The following HECW2 variants were observed in gnomAD, a reference collection of about 807,000 sequenced individuals.
The protein encoded by HECW2 is HECT, C2 and WW domain containing E3 ubiquitin protein ligase 2.
Under a neutral mutation model 175.2 loss-of-function variants are expected in HECW2, and 61 were observed. The ratio of observed to expected loss-of-function variants is 0.35; its 90% confidence interval spans 0.28 to 0.43. The LOEUF (loss-of-function observed/expected upper bound fraction) is 0.43. Among genes scored for constraint, HECW2 ranks in the 20% least tolerant of loss-of-function variants. The pLI is 1.00. For missense variants in HECW2, 1,524 were observed against 2,000.5 expected (o/e 0.76, Z 4.54); for synonymous variants, 671 against 731.0 (o/e 0.92, Z 1.32).
intron 1 of HECW2, among the ~76,000 whole-genome samples, chr2:196,513,372 G>A (rs957067659): frequency 2.0e-5 from 3 of 152,122 alleles, no homozygotes; most frequent in Non-Finnish European, 2.9e-5. Flanking sequence ...AGCTGGGCAC[G>A]TTGGCACATG....
chr2:196,476,111 G>A (rs1686601680), intron 1 of HECW2, among the ~76,000 whole-genome samples: 1 of 151,834 alleles, frequency 6.6e-6, no homozygotes, highest in African/African-American at 2.4e-5. Flanking sequence ...TTAGCAAGCT[G>A]TATAATCTCT....
intron 17 of HECW2, among the ~76,000 whole-genome samples, chr2:196,266,104 G>A (rs1243763608): frequency 2.0e-5 from 3 of 151,472 alleles, no homozygotes; most frequent in Non-Finnish European, 4.4e-5. Flanking sequence ...GCTGAAGCAG[G>A]AGGATCTCTT....
intron 21 of HECW2, 23 bp from the exon 22 acceptor site, chr2:196,228,277 G>T (rs1337405460): frequency 3.2e-6 from 5 of 1,582,004 alleles, no homozygotes; most frequent in Non-Finnish European, 4.3e-6. Flanking sequence ...TCCACAAAAA[G>T]AATAATCTGT....
intron 1 of HECW2, among the ~76,000 whole-genome samples, chr2:196,543,231 A>G (rs184547935): frequency 1.3e-5 from 2 of 151,412 alleles, no homozygotes; most frequent in African/African-American, 4.8e-5. Context: ...CAAATCTACA[A>G]GTGAAGAGTG....
At chr2:196,562,387 T>C (rs1690032725) in intron 1 of HECW2, among the ~76,000 whole-genome samples, 1 of 152,206 alleles carries the variant, frequency 6.6e-6, no homozygotes, top group Non-Finnish European at 1.5e-5. Context: ...CACATTCTTT[T>C]GACAATATTT....
intron 5 of HECW2, among the ~76,000 whole-genome samples, chr2:196,326,967 G>A (rs1385787139): frequency 2.6e-5 from 4 of 152,104 alleles, no homozygotes; most frequent in East Asian, 3.8e-4. Context: ...TCTTCAGCAG[G>A]GAACAGCTTT....
chr2:196,384,718 T>C (rs1694301230), intron 2 of HECW2, among the ~76,000 whole-genome samples: 1 of 152,204 alleles, frequency 6.6e-6, no homozygotes, highest in Non-Finnish European at 1.5e-5. Context: ...ATTCATTCAT[T>C]ATGACATCCT....
At chr2:196,593,075 G>A (rs555059498) in intron 1 of HECW2, among the ~76,000 whole-genome samples, 33 of 151,238 alleles carry the variant, frequency 2.2e-4, no homozygotes, top group Non-Finnish European at 3.8e-4. Flanking sequence ...GGCTCTTCCC[G>A]CCGCCCTCCG....
intron 1 of HECW2, among the ~76,000 whole-genome samples, chr2:196,512,191 G>C (rs1310748883): frequency 6.6e-6 from 1 of 152,182 alleles, no homozygotes; most frequent in Non-Finnish European, 1.5e-5. Context: ...GAGAATGCAG[G>C]ACCCACGGGG....
intron 1 of HECW2, among the ~76,000 whole-genome samples, chr2:196,515,888 T>C (rs1001043348): frequency 2.7e-5 from 4 of 148,760 alleles, no homozygotes; most frequent in Admixed American, 2.0e-4. Flanking sequence ...CTTTGGGAGG[T>C]GGAGGTAGGC....
intron 1 of HECW2, among the ~76,000 whole-genome samples, chr2:196,434,654 A>C (rs1695817863): frequency 6.6e-6 from 1 of 152,182 alleles, no homozygotes; most frequent in Admixed American, 6.5e-5. Context: ...CTTCTGTACC[A>C]TCCCTTTCAG....
rs767506318 is a variant in HECW2 at position 196,325,047 on chromosome 2, G to C, written c.674C>G (p.Ala225Gly). Residue 225 changes from alanine (A) to glycine (G), a missense_variant, in exon 6 of 29, where the codon GCC becomes GGC. By Grantham distance (60) the Ala-to-Gly change is moderately conservative. Transcript: ENST00000644978. The stretch of plus-strand genomic sequence containing the variant: ...AGACCGTCTCTCCTGCCCGTGGTGG[G>C]CACAGGTGGGGAAACTGCTCTTCTT... ...PGKKSSFPTC[A>G]HHGQERRSTI... 5.6e-6 allele frequency: 9 copies of C among 1,612,078 alleles called. No homozygotes were observed. The highest frequency in any genetic ancestry group is 7.6e-6 in the Non-Finnish European group (9 of 1,179,312).
intron 1 of HECW2, among the ~76,000 whole-genome samples, chr2:196,498,035 C>T (rs1048177999): frequency 6.6e-6 from 1 of 152,160 alleles, no homozygotes; most frequent in African/African-American, 2.4e-5. Flanking sequence ...TAAATAAATC[C>T]TTATGCCTTT....
chr2:196,353,045 T>C (rs1179610676), intron 2 of HECW2, among the ~76,000 whole-genome samples: 1 of 152,220 alleles, frequency 6.6e-6, no homozygotes, highest in Non-Finnish European at 1.5e-5. Context: ...CCACAGGACA[T>C]GGCTTCCCAC....
At chr2:196,558,772 C>G (rs2125496166) in intron 1 of HECW2, among the ~76,000 whole-genome samples, 1 of 152,332 alleles carries the variant, frequency 6.6e-6, no homozygotes, top group South Asian at 2.1e-4. Context: ...GCAGCAATAA[C>G]AGAAGATGAT....
At position 196,529,306 on chromosome 2, in the gene HECW2, T is replaced by C. The variant is rs113191546; in HGVS notation, c.-36+64202A>G. Among the ~76,000 whole-genome samples the C allele has an allele frequency of 2.9e-3, 445 of 152,314 alleles. 1 individual carries two copies. The highest frequency in any genetic ancestry group is 0.01 in the African/African-American group (420 of 41,576). ...CATGTTGCCATCTCCCTTCACACTT[T>C]GGTAAGTGACTCAATTTTGTTTGGT... On this transcript the variant is annotated intron_variant, in intron 1 of 28. Transcript: ENST00000644978.
intron 19 of HECW2, among the ~76,000 whole-genome samples, chr2:196,252,951 T>C (rs996337460): frequency 6.6e-6 from 1 of 152,240 alleles, no homozygotes; most frequent in Non-Finnish European, 1.5e-5. Flanking sequence ...CACAGAGTTA[T>C]TTGTTGACTC....
At chr2:196,311,144 C>T (rs1691481658) in intron 10 of HECW2, among the ~76,000 whole-genome samples, 1 of 152,154 alleles carries the variant, frequency 6.6e-6, no homozygotes, top group South Asian at 2.1e-4. Context: ...TGGTGTTCCA[C>T]ATAATATTTC....
chr2:196,580,853 C>T (rs1690752263), intron 1 of HECW2, among the ~76,000 whole-genome samples: 5 of 152,094 alleles, frequency 3.3e-5, no homozygotes, highest in Admixed American at 3.3e-4. Flanking sequence ...CATAAATGTT[C>T]ATAGCAGCAT....
Sources: gnomAD v4.1 joint callset for allele counts (sites outside exome capture counted in the v4.1 genomes callset) on GRCh38, gnomAD v4.1.1 for gene constraint, MANE v1.5 for transcripts, NCBI Gene and HGNC (gene_info 2026-07-23, HGNC 2026-07-21) for gene names.